Variants in GRM7 observed in about 807,000 individuals in gnomAD.
The protein encoded by GRM7 is metabotropic glutamate receptor 7.
A neutral mutation model predicts 84.5 loss-of-function variants in GRM7; 35 were observed. The ratio of observed to expected loss-of-function variants is 0.41; its 90% CI spans 0.32 to 0.55. The LOEUF (loss-of-function observed/expected upper bound fraction) is 0.55, where lower values mean the gene tolerates loss of function less well. Ranked by LOEUF, GRM7 falls within the 20% of genes least tolerant of loss-of-function variation. The pLI is 0.19. For synonymous variants in GRM7, 487 were observed against 455.1 expected (o/e 1.07, Z -0.89); for missense variants, 1,003 against 1,194.6 (o/e 0.84, Z 2.36).
chr3:7,190,704 T>C (rs1695681969), intron 2 of GRM7, among the ~76,000 whole-genome samples: 1 of 152,054 alleles, frequency 6.6e-6, no homozygotes, highest in Non-Finnish European at 1.5e-5. Context: ...GTTTAATATA[T>C]ATATATTTTT....
chr3:6,867,938 A>G (rs1694991580), intron 1 of GRM7, among the ~76,000 whole-genome samples: 1 of 152,208 alleles, frequency 6.6e-6, no homozygotes, highest in African/African-American at 2.4e-5. Context: ...TTTGAATCAC[A>G]TTATTAGATT....
chr3:6,978,058 C>T (rs1448055891), intron 1 of GRM7, among the ~76,000 whole-genome samples: 1 of 151,878 alleles, frequency 6.6e-6, no homozygotes, highest in Non-Finnish European at 1.5e-5. Context: ...ATTGGGCTCA[C>T]AATAGAGTTT....
At chr3:7,144,545 A>G (rs1351630805) in intron 1 of GRM7, among the ~76,000 whole-genome samples, 1 of 152,186 alleles carries the variant, frequency 6.6e-6, no homozygotes, top group Non-Finnish European at 1.5e-5. Flanking sequence ...TGGGGAATCG[A>G]TAACTTTAGT....
At chr3:7,682,587 G>C (rs1700422749) in intron 9 of GRM7, among the ~76,000 whole-genome samples, 1 of 150,770 alleles carries the variant, frequency 6.6e-6, no homozygotes, top group South Asian at 2.1e-4. Context: ...ACTAGATACT[G>C]TTCAAAGTCA....
At chr3:7,653,201 T>TTTTTTTTTTTTTC in intron 8 of GRM7, among the ~76,000 whole-genome samples, 1 of 149,446 alleles carries the variant, frequency 6.7e-6, no homozygotes, top group Non-Finnish European at 1.5e-5. Flanking sequence ...TTTTTTTTTT[T>TTTTTTTTTTTTTC]TTTGCTTTAC....
chr3:7,140,459 G>C (rs1358745316), intron 1 of GRM7, among the ~76,000 whole-genome samples: 1 of 152,010 alleles, frequency 6.6e-6, no homozygotes, highest in Admixed American at 6.6e-5. Flanking sequence ...AAAGGATTTA[G>C]AGATGTGCTT....
chr3:7,264,084 G>A (rs1161766906), intron 2 of GRM7, among the ~76,000 whole-genome samples: 1 of 152,088 alleles, frequency 6.6e-6, no homozygotes, highest in African/African-American at 2.4e-5. Context: ...CTATGATGCA[G>A]GCTCTCAGGA....
At chr3:6,970,930 C>T (rs1158922683) in intron 1 of GRM7, among the ~76,000 whole-genome samples, 4 of 151,924 alleles carry the variant, frequency 2.6e-5, no homozygotes, top group Non-Finnish European at 4.4e-5. Flanking sequence ...TGCAGTGAGC[C>T]AAGATCGTAC....
intron 4 of GRM7, among the ~76,000 whole-genome samples, chr3:7,383,766 G>A (rs1047303182): frequency 6.6e-6 from 1 of 151,996 alleles, no homozygotes; most frequent in African/African-American, 2.4e-5. Flanking sequence ...TTAAGCCAAG[G>A]AAATATATAA....
chr3:7,551,788 G>A (rs1693490939), intron 7 of GRM7, among the ~76,000 whole-genome samples: 1 of 152,020 alleles, frequency 6.6e-6, no homozygotes, highest in African/African-American at 2.4e-5. Flanking sequence ...CCTGGTACAT[G>A]GTAGGCTCGT....
intron 7 of GRM7, among the ~76,000 whole-genome samples, chr3:7,469,453 T>C (rs1322109930): frequency 6.6e-6 from 1 of 152,228 alleles, no homozygotes; most frequent in Non-Finnish European, 1.5e-5. Flanking sequence ...CAGTGGCTAT[T>C]TGAGAGCATG....
intron 4 of GRM7, among the ~76,000 whole-genome samples, chr3:7,329,288 C>G (rs559784563): frequency 1.3e-5 from 2 of 152,204 alleles, no homozygotes; most frequent in Non-Finnish European, 2.9e-5. Flanking sequence ...AGACTGGAAA[C>G]TGTTCCATCC....
At chr3:7,443,032 ATCC>A (rs1274315221) in intron 5 of GRM7, among the ~76,000 whole-genome samples, 1 of 140,776 alleles carries the variant, frequency 7.1e-6, no homozygotes. Flanking sequence ...TTTCTTTTCC[ATCC>A]TCCTCCTCCT....
At chr3:7,405,117 G>A (rs1695619110) in intron 4 of GRM7, among the ~76,000 whole-genome samples, 1 of 151,934 alleles carries the variant, frequency 6.6e-6, no homozygotes, top group Admixed American at 6.6e-5. Flanking sequence ...CTACACAGTG[G>A]GAGATTTTGT....
At chr3:7,247,390 G>T (rs1697805270) in intron 2 of GRM7, among the ~76,000 whole-genome samples, 1 of 151,912 alleles carries the variant, frequency 6.6e-6, no homozygotes, top group Non-Finnish European at 1.5e-5. Flanking sequence ...TGGGCAAAAT[G>T]TGAGACCCCT....
intron 7 of GRM7, among the ~76,000 whole-genome samples, chr3:7,475,508 G>T (rs540036447): frequency 4.6e-5 from 7 of 151,922 alleles, no homozygotes; most frequent in Non-Finnish European, 8.8e-5. Context: ...TTTAAGTGCC[G>T]TTTACAGGAT....
intron 4 of GRM7, among the ~76,000 whole-genome samples, chr3:7,341,797 A>G (rs979424857): frequency 2.6e-5 from 4 of 152,110 alleles, no homozygotes. Flanking sequence ...TAAAGAACCT[A>G]AAACTTAGAA....
chr3:7,205,360 GT>G (rs966705179), intron 2 of GRM7, among the ~76,000 whole-genome samples: 1 of 152,130 alleles, frequency 6.6e-6, no homozygotes, highest in Non-Finnish European at 1.5e-5. Flanking sequence ...AGATCTTTAG[GT>G]GGGACCATGA....
intron 1 of GRM7, among the ~76,000 whole-genome samples, chr3:6,957,399 T>A (rs1158305991): frequency 6.6e-6 from 1 of 152,088 alleles, no homozygotes; most frequent in South Asian, 2.1e-4. Flanking sequence ...CCAGAACGAG[T>A]GTTCCCTGAG....
Sources: allele counts gnomAD v4.1 joint callset (sites outside exome capture counted in the v4.1 genomes callset), GRCh38; gene constraint gnomAD v4.1.1; transcripts MANE v1.5; gene names NCBI Gene and HGNC (gene_info 2026-07-23, HGNC 2026-07-21).